Variants in ATP8A1 observed in about 807,000 individuals in gnomAD.
The protein encoded by ATP8A1 is ATPase phospholipid transporting 8A1, also known as phospholipid-transporting ATPase IA.
ATP8A1 carries 90 observed loss-of-function variants against 177.7 expected under a neutral mutation model. That is an observed-to-expected ratio of 0.51 (90% CI 0.43 to 0.60). ATP8A1 has a LOEUF of 0.60. Among genes scored for constraint, ATP8A1 ranks in the 20% least tolerant of loss-of-function variants. ATP8A1 has a pLI of 0.00. For missense variants in ATP8A1, 1,072 were observed against 1,392.8 expected, an observed-to-expected ratio of 0.77 and a Z score of 3.67; for synonymous variants, 493 against 485.9, an observed-to-expected ratio of 1.01 and a Z score of -0.19.
chr4:42,506,439 T>G (rs1205996040), intron 23 of ATP8A1, among the ~76,000 whole-genome samples: 2 of 152,154 alleles, frequency 1.3e-5, no homozygotes, highest in Non-Finnish European at 2.9e-5. Context: ...GAGATATAAA[T>G]TTGTTGTTTA....
intron 24 of ATP8A1, among the ~76,000 whole-genome samples, chr4:42,487,023 T>C (rs12645213): frequency 0.3 from 45,846 of 152,130 alleles, 8,113 homozygotes; most frequent in East Asian, 0.57. Flanking sequence ...AAATCCTCAA[T>C]GCTATTGAAT....
At chr4:42,447,581 T>G (rs1717419099) in intron 30 of ATP8A1, among the ~76,000 whole-genome samples, 1 of 152,152 alleles carries the variant, frequency 6.6e-6, no homozygotes, top group Admixed American at 6.6e-5. Flanking sequence ...GCTGAATAAT[T>G]AAATCATTGA....
At chr4:42,608,495 G>T (rs1217776294) in intron 5 of ATP8A1, among the ~76,000 whole-genome samples, 19 of 151,958 alleles carry the variant, frequency 1.3e-4, no homozygotes, top group Admixed American at 1.2e-3. Flanking sequence ...GAGTAGCTGG[G>T]ATTACAGGTG....
intron 1 of ATP8A1, among the ~76,000 whole-genome samples, chr4:42,642,377 C>G (rs1407084260): frequency 6.6e-6 from 1 of 152,202 alleles, no homozygotes; most frequent in Non-Finnish European, 1.5e-5. Context: ...GAAGAACCCA[C>G]TAAGACTGGT....
At chr4:42,539,613 C>T (rs1728187998) in intron 20 of ATP8A1, among the ~76,000 whole-genome samples, 2 of 151,938 alleles carry the variant, frequency 1.3e-5, no homozygotes, top group Admixed American at 1.3e-4. Context: ...ACACATAAAT[C>T]TAGGGAACCC....
intron 27 of ATP8A1, among the ~76,000 whole-genome samples, chr4:42,462,412 G>A (rs996904421): frequency 2.0e-5 from 3 of 152,236 alleles, no homozygotes; most frequent in Admixed American, 2.0e-4. Context: ...GGCTGAAAGG[G>A]GCCAACATAG....
chr4:42,423,765 A>G, intron 33 of ATP8A1, 60 bp from the exon 34 acceptor site: 1 of 1,145,520 alleles, frequency 8.7e-7, no homozygotes, highest in Non-Finnish European at 1.3e-6. Flanking sequence ...ATTTGTGTTT[A>G]GTTTTTATGT....
At chr4:42,478,111 T>C (rs186813092) in intron 25 of ATP8A1, among the ~76,000 whole-genome samples, 1 of 152,168 alleles carries the variant, frequency 6.6e-6, no homozygotes, top group Non-Finnish European at 1.5e-5. Context: ...TCCCAGCCCT[T>C]TGGGAGACTG....
At chr4:42,616,105 C>T (rs779644034) in intron 4 of ATP8A1, 27 bp from the exon 5 acceptor site, 8 of 1,600,158 alleles carry the variant, frequency 5.0e-6, no homozygotes, top group Non-Finnish European at 6.0e-6. Flanking sequence ...AAAAGAACAA[C>T]TGTGAAAATG....
At chr4:42,446,251 C>CA (rs761157047) in intron 31 of ATP8A1, among the ~76,000 whole-genome samples, 1 of 152,014 alleles carries the variant, frequency 6.6e-6, no homozygotes, top group South Asian at 2.1e-4. Context: ...GAGAAGGAGC[C>CA]ACCAGCCCCT....
At chr4:42,460,269 G>A (rs1201882238) in intron 27 of ATP8A1, among the ~76,000 whole-genome samples, 1 of 151,634 alleles carries the variant, frequency 6.6e-6, no homozygotes, top group Non-Finnish European at 1.5e-5. Context: ...AACAGGTGAA[G>A]CAAATATACA....
chr4:42,500,820 T>C (rs1464569204), intron 24 of ATP8A1, among the ~76,000 whole-genome samples: 1 of 152,224 alleles, frequency 6.6e-6, no homozygotes, highest in Non-Finnish European at 1.5e-5. Context: ...TGGTCTTATG[T>C]ATTTATTTAA....
intron 30 of ATP8A1, among the ~76,000 whole-genome samples, chr4:42,447,000 TCTCA>T (rs1476186961): frequency 6.6e-6 from 1 of 152,148 alleles, no homozygotes; most frequent in African/African-American, 2.4e-5. Flanking sequence ...TAGGGAATCT[TCTCA>T]CTATCTCTCA....
At chr4:42,511,506 G>A (rs146387930) in intron 22 of ATP8A1, among the ~76,000 whole-genome samples, 1,526 of 152,206 alleles carry the variant, frequency 0.01, 25 homozygotes, top group African/African-American at 0.035. Context: ...TGAGGTTGAT[G>A]ACTCTTTGAC....
intron 1 of ATP8A1, among the ~76,000 whole-genome samples, chr4:42,646,913 T>C (rs1252302877): frequency 1.3e-5 from 2 of 152,222 alleles, no homozygotes; most frequent in Non-Finnish European, 2.9e-5. Context: ...CAAGTGATGG[T>C]GATATTGTAC....
chr4:42,521,009 G>T (rs1037246926), intron 22 of ATP8A1, among the ~76,000 whole-genome samples: 2 of 152,182 alleles, frequency 1.3e-5, no homozygotes, highest in Non-Finnish European at 2.9e-5. Flanking sequence ...GACGTGAGGA[G>T]CAGAGGGGGG....
intron 25 of ATP8A1, among the ~76,000 whole-genome samples, chr4:42,484,936 T>C (rs1722042881): frequency 6.6e-6 from 1 of 152,216 alleles, no homozygotes; most frequent in African/African-American, 2.4e-5. Context: ...GGAAGATTCC[T>C]TGACAAGAAA....
rs779747313 is a variant in ATP8A1 at position 42,455,616 on chromosome 4, A to C, written c.2620-17T>G. ...AAACCAGATCTAGGAAAAAAAACCC[A>C]AAACCCCCAAATTAGAATACAAAAG... On this transcript the variant is annotated splice_polypyrimidine_tract_variant and intron_variant, in intron 27 of 36. Transcript: ENST00000381668. 36 of 1,607,986 alleles carry C rather than the reference A, an allele frequency of 2.2e-5. 1 individual carries two copies. Among genetic ancestry groups the C allele is most frequent in the South Asian group, 1.3e-4 (12 of 90,002 alleles).
intron 25 of ATP8A1, chr4:42,472,210 A>G (rs35186888): frequency 0.56 from 332,223 of 591,914 alleles, 95,085 homozygotes; most frequent in East Asian, 0.83. Context: ...CCCAAGTGAA[A>G]TTGTGGGCAA....
Sources: gnomAD v4.1 joint callset for allele counts (sites outside exome capture counted in the v4.1 genomes callset) on GRCh38, gnomAD v4.1.1 for gene constraint, MANE v1.5 for transcripts, NCBI Gene and HGNC (gene_info 2026-07-23, HGNC 2026-07-21) for gene names.